Variants in SPAG6 observed in about 807,000 individuals in gnomAD.
SPAG6 encodes the protein sperm-associated antigen 6.
SPAG6 carries 49 observed loss-of-function variants against 58.5 expected under a neutral mutation model. That is an observed-to-expected ratio of 0.84 (90% CI 0.67 to 1.06). The LOEUF is 1.06. Among genes scored for constraint, SPAG6 ranks in the 50% least tolerant of loss-of-function variants. The pLI is 0.00. For synonymous variants in SPAG6, 233 were observed against 225.6 expected, an observed-to-expected ratio of 1.03 and a Z score of -0.29; for missense variants, 560 against 611.3, an observed-to-expected ratio of 0.92 and a Z score of 0.89.
intron 2 of SPAG6, among the ~76,000 whole-genome samples, chr10:22,347,252 C>G (rs566460403): frequency 6.6e-6 from 1 of 152,174 alleles, no homozygotes; most frequent in South Asian, 2.1e-4. Flanking sequence ...ATCCTTTGTT[C>G]TATAGTTGTT....
At chr10:22,382,579 C>G (rs73598505) in intron 4 of SPAG6, among the ~76,000 whole-genome samples, 8 of 152,018 alleles carry the variant, frequency 5.3e-5, no homozygotes, top group Admixed American at 5.2e-4. Flanking sequence ...TGATACACTC[C>G]TTTCATATAA....
chr10:22,388,392 T>C (rs1364117463), intron 6 of SPAG6, among the ~76,000 whole-genome samples: 1 of 152,164 alleles, frequency 6.6e-6, no homozygotes, highest in Non-Finnish European at 1.5e-5. Flanking sequence ...CATTTGTAGA[T>C]TGTGAGGACA....
intron 10 of SPAG6, among the ~76,000 whole-genome samples, chr10:22,413,270 A>C (rs1201371013): frequency 6.6e-6 from 1 of 152,072 alleles, no homozygotes; most frequent in Non-Finnish European, 1.5e-5. Flanking sequence ...TCAGTGGCTC[A>C]TGCCTGTAAT....
chr10:22,357,882 G>A (rs1836911878), intron 2 of SPAG6, among the ~76,000 whole-genome samples: 1 of 151,746 alleles, frequency 6.6e-6, no homozygotes, highest in South Asian at 2.1e-4. Flanking sequence ...ATGATTTCCA[G>A]CTTCATCCAT....
chr10:22,410,477 C>A (rs998647011), intron 9 of SPAG6, among the ~76,000 whole-genome samples: 2 of 152,100 alleles, frequency 1.3e-5, no homozygotes, highest in Non-Finnish European at 2.9e-5. Context: ...GAGAAGGATT[C>A]TTAAAGGAGG....
rs1834879131 is a variant in SPAG6 at position 22,416,886 on chromosome 10, A to G, written c.*198A>G. 2 of 422,522 alleles carry G rather than the reference A, an allele frequency of 4.7e-6. No individual in the cohort carries two copies. Among genetic ancestry groups the G allele is most frequent in the Non-Finnish European group, 8.6e-6 (2 of 232,668 alleles). The allele number at this position is 422,522 out of a possible 1,614,324, so 26.2% of individuals were successfully genotyped here. ...TGAGGAACTATTCATGGTCATTCGC[A>G]TGCATAGGATTTGTTCTACAGGTAG... On this transcript the variant is annotated 3_prime_UTR_variant, in exon 11 of 11. Coordinates refer to ENST00000376624, the MANE Select transcript of SPAG6 (RefSeq NM_012443.4).
chr10:22,353,112 T>C (rs2132032089), intron 2 of SPAG6, among the ~76,000 whole-genome samples: 1 of 152,340 alleles, frequency 6.6e-6, no homozygotes, highest in East Asian at 1.9e-4. Context: ...TAGTGAAGTG[T>C]GAATAAAATA....
chr10:22,390,002 AC>A (rs1834151255), intron 7 of SPAG6, among the ~76,000 whole-genome samples: 4 of 151,984 alleles, frequency 2.6e-5, no homozygotes, highest in Admixed American at 2.6e-4. Flanking sequence ...GTGTGCGGTG[AC>A]CCTCTGGGGT....
chr10:22,412,135 C>T (rs1834755906), intron 10 of SPAG6, among the ~76,000 whole-genome samples: 1 of 152,122 alleles, frequency 6.6e-6, no homozygotes, highest in Non-Finnish European at 1.5e-5. Flanking sequence ...AGGCGTGAGC[C>T]ACCGCGACCG....
chr10:22,370,100 A>G (rs1347017821), intron 4 of SPAG6, among the ~76,000 whole-genome samples: 2 of 152,232 alleles, frequency 1.3e-5, no homozygotes, highest in African/African-American at 4.8e-5. Context: ...AACATGGAAA[A>G]GTGATTATAA....
At position 22,387,997 on chromosome 10, in the gene SPAG6, G is replaced by A. The variant is rs1042304047; in HGVS notation, c.852+1G>A. On this transcript the variant is annotated splice_donor_variant, in intron 6 of 10. Coordinates refer to ENST00000376624, the MANE Select transcript of SPAG6 (RefSeq NM_012443.4). LOFTEE classifies it high-confidence loss of function. The stretch of plus-strand genomic sequence containing the variant: ...AGAGATTGCAAAACATACACCCGAG[G>A]TGAAAAGAAACTTCAAGGCACAATA... The A allele has an allele frequency of 1.1e-5, 17 of 1,596,378 alleles. No homozygotes were observed. Among genetic ancestry groups the A allele is most frequent in the Non-Finnish European group, 1.4e-5 (17 of 1,174,124 alleles).
At chr10:22,376,497 G>A (rs1205092098) in intron 4 of SPAG6, among the ~76,000 whole-genome samples, 1 of 152,096 alleles carries the variant, frequency 6.6e-6, no homozygotes, top group East Asian at 1.9e-4. Context: ...TCTGTGCTTT[G>A]TAGATATTTG....
At chr10:22,387,706 AT>A (rs1834100355) in intron 5 of SPAG6, 116 bp from the exon 6 acceptor site, 6 of 977,048 alleles carry the variant, frequency 6.1e-6, no homozygotes, top group Non-Finnish European at 8.5e-6. Context: ...AGGCATGTAC[AT>A]TTTTTTCCTT....
At chr10:22,386,020 A>G (rs900006335) in intron 4 of SPAG6, among the ~76,000 whole-genome samples, 1 of 152,196 alleles carries the variant, frequency 6.6e-6, no homozygotes, top group Non-Finnish European at 1.5e-5. Flanking sequence ...TCTGTAATTT[A>G]AAGTGTGCTA....
At chr10:22,391,175 A>G (rs1376534261) in intron 7 of SPAG6, among the ~76,000 whole-genome samples, 2 of 152,234 alleles carry the variant, frequency 1.3e-5, no homozygotes, top group Admixed American at 1.3e-4. Context: ...AGTGGAAAGA[A>G]CTATAATTTA....
rs192478678 is a variant in SPAG6, at chr10:22,384,019, C to A, written c.473-2735C>A. Among the ~76,000 whole-genome samples the A allele has an allele frequency of 3.6e-3, 542 of 152,256 alleles. 4 individuals are homozygous for A. Among genetic ancestry groups the A allele is most frequent in the Non-Finnish European group, 4.3e-3 (290 of 68,026 alleles). On this transcript the variant is annotated intron_variant, in intron 4 of 10. Transcript: ENST00000376624. ...GCATGTAAACTACAAGTGGCTCAAG[C>A]AATAGGGACATTTTTTAAATTCACA...
chr10:22,374,775 C>CAA (rs932175331), intron 4 of SPAG6, among the ~76,000 whole-genome samples: 1 of 136,970 alleles, frequency 7.3e-6, no homozygotes, highest in Non-Finnish European at 1.6e-5. Context: ...GACCCTGTCT[C>CAA]AAAAAAAAAA....
chr10:22,416,413 C>CT (rs1834865764), intron 10 of SPAG6, among the ~76,000 whole-genome samples: 1 of 152,150 alleles, frequency 6.6e-6, no homozygotes, highest in Non-Finnish European at 1.5e-5. Context: ...TGTTTTGCTA[C>CT]TTCTGTAGCA....
At chr10:22,377,575 A>G (rs1833847844) in intron 4 of SPAG6, among the ~76,000 whole-genome samples, 1 of 152,242 alleles carries the variant, frequency 6.6e-6, no homozygotes, top group South Asian at 2.1e-4. Context: ...ATATTTGCTC[A>G]GTGGGATATT....
Sources: allele counts gnomAD v4.1 joint callset (sites outside exome capture counted in the v4.1 genomes callset), GRCh38; gene constraint gnomAD v4.1.1; transcripts MANE v1.5; gene names NCBI Gene and HGNC (gene_info 2026-07-23, HGNC 2026-07-21).